SATB2: variants seen among roughly 807,000 people sequenced by gnomAD.
SATB2 encodes DNA-binding protein SATB2.
In SATB2, 1 loss-of-function variant was observed where a neutral mutation model predicts 73.4. The observed-to-expected ratio is 0.01, with a 90% CI of 0.00 to 0.06. SATB2 has a LOEUF of 0.06. SATB2 is among the 10% of genes least tolerant of loss of function. The pLI, the probability that SATB2 is intolerant of heterozygous loss-of-function variation, is 1.00. For synonymous variants in SATB2, 397 were observed against 367.0 expected (o/e 1.08, Z -0.93); for missense variants, 459 against 945.8 (o/e 0.49, Z 6.75).
chr2:199,355,052 A>T (rs1426431235), intron 6 of SATB2, among the ~76,000 whole-genome samples: 2 of 152,176 alleles, frequency 1.3e-5, no homozygotes, highest in African/African-American at 4.8e-5. Flanking sequence ...TATTTAAGAC[A>T]CTTGTTACGG....
At chr2:199,454,042 T>C (rs1168969063) in intron 2 of SATB2, among the ~76,000 whole-genome samples, 3 of 152,090 alleles carry the variant, frequency 2.0e-5, no homozygotes, top group Non-Finnish European at 1.5e-5. Flanking sequence ...TTTTAGTTTA[T>C]ATTAAACACA....
At chr2:199,274,097 A>G (rs1465905204) in intron 10 of SATB2, among the ~76,000 whole-genome samples, 1 of 152,242 alleles carries the variant, frequency 6.6e-6, no homozygotes, top group East Asian at 1.9e-4. Flanking sequence ...TTTTAAGAAG[A>G]GTGAGTTCAC....
chr2:199,412,404 A>G (rs1440590577), intron 3 of SATB2, among the ~76,000 whole-genome samples: 1 of 152,220 alleles, frequency 6.6e-6, no homozygotes, highest in Non-Finnish European at 1.5e-5. Flanking sequence ...AACCCCAAAT[A>G]AAGCTGAGAG....
At chr2:199,350,814 G>C (rs558418609) in intron 6 of SATB2, among the ~76,000 whole-genome samples, 1 of 152,008 alleles carries the variant, frequency 6.6e-6, no homozygotes, top group Admixed American at 6.6e-5. Flanking sequence ...CCTGAGGTCA[G>C]GAGTTTGATA....
intron 5 of SATB2, among the ~76,000 whole-genome samples, chr2:199,378,602 T>C (rs1204009655): frequency 6.6e-6 from 1 of 152,160 alleles, no homozygotes; most frequent in Non-Finnish European, 1.5e-5. Flanking sequence ...CATGCCTTCT[T>C]GATTTTTTTC....
chr2:199,450,464 TA>T (rs1465873762), intron 2 of SATB2, among the ~76,000 whole-genome samples: 1 of 152,128 alleles, frequency 6.6e-6, no homozygotes, highest in Non-Finnish European at 1.5e-5. Flanking sequence ...TTAAACAATA[TA>T]AAGAATTCTT....
intron 2 of SATB2, among the ~76,000 whole-genome samples, chr2:199,452,319 T>C (rs116110185): frequency 5.8e-4 from 88 of 152,282 alleles, no homozygotes; most frequent in African/African-American, 1.8e-3. Context: ...TTTATTGCTA[T>C]TAAAGCACAA....
chr2:199,408,547 G>A (rs940292551), intron 3 of SATB2, among the ~76,000 whole-genome samples: 1 of 151,894 alleles, frequency 6.6e-6, no homozygotes, highest in African/African-American at 2.4e-5. Context: ...TACTAGCTTG[G>A]TGCAAAAGTA....
At chr2:199,360,505 C>A (rs1310476013) in intron 6 of SATB2, among the ~76,000 whole-genome samples, 2 of 152,118 alleles carry the variant, frequency 1.3e-5, no homozygotes, top group Non-Finnish European at 2.9e-5. Flanking sequence ...CACTTCATGG[C>A]ATGAGCTGCC....
chr2:199,460,114 T>C (rs1397061089), upstream of SATB2, among the ~76,000 whole-genome samples: 1 of 152,008 alleles, frequency 6.6e-6, no homozygotes, highest in African/African-American at 2.4e-5. This position sits in a 1 kb window ranked among gnomAD's most constrained non-coding sequence, Gnocchi z 4.0. Flanking sequence ...TAGGCAGCGT[T>C]TGCCTTTCCC....
intron 3 of SATB2, among the ~76,000 whole-genome samples, chr2:199,399,894 G>A (rs1690419946): frequency 1.3e-5 from 2 of 152,222 alleles, no homozygotes; most frequent in South Asian, 4.2e-4. Context: ...TTTGGGCAGG[G>A]ACAACACTGA....
chr2:199,354,798 C>G (rs938985539), intron 6 of SATB2, among the ~76,000 whole-genome samples: 5 of 152,124 alleles, frequency 3.3e-5, no homozygotes, highest in African/African-American at 1.2e-4. Flanking sequence ...CTCTAAACTT[C>G]TGGGATTCCA....
intron 3 of SATB2, among the ~76,000 whole-genome samples, chr2:199,430,396 C>T (rs772875019): frequency 6.6e-6 from 1 of 152,164 alleles, no homozygotes; most frequent in Non-Finnish European, 1.5e-5. Context: ...CTGGTAGAAG[C>T]AAAGGGCCTG....
Position 199,373,619 on chromosome 2 carries a change from G to A in SATB2, c.598-4912C>T, listed in dbSNP as rs1310421418. Reference sequence around the variant, plus strand: ...GGGATATTGTCTCCTGCATCAGAGAGTGTAAGGATTCTTCTGTGAGATGAT... The same window carrying A: ...GGGATATTGTCTCCTGCATCAGAGAATGTAAGGATTCTTCTGTGAGATGAT... On this transcript the variant is annotated intron_variant, in intron 5 of 10. Transcript: ENST00000417098. Among the ~76,000 whole-genome samples the A allele has an allele frequency of 5.3e-5, 8 of 152,280 alleles. 1 individual carries two copies. The South Asian group carries it at 8.3e-4, about 16-fold the overall frequency.
chr2:199,331,124 T>C (rs1025915525), intron 7 of SATB2, among the ~76,000 whole-genome samples: 2 of 152,088 alleles, frequency 1.3e-5, no homozygotes, highest in Admixed American at 6.6e-5. Context: ...AACAAAACTA[T>C]TGTTCTAATG....
intron 2 of SATB2, among the ~76,000 whole-genome samples, chr2:199,448,600 T>A (rs6752494): frequency 6.6e-6 from 1 of 151,996 alleles, no homozygotes; most frequent in African/African-American, 2.4e-5. Flanking sequence ...TGGAAAACAT[T>A]TGCTCTAACT....
intron 3 of SATB2, among the ~76,000 whole-genome samples, chr2:199,425,429 C>A (rs936321630): frequency 1.3e-5 from 2 of 152,208 alleles, no homozygotes; most frequent in Non-Finnish European, 2.9e-5. Flanking sequence ...CTTTCCTCAT[C>A]ATGGAGGAAA....
At chr2:199,414,240 T>A (rs528959616) in intron 3 of SATB2, among the ~76,000 whole-genome samples, 3 of 152,162 alleles carry the variant, frequency 2.0e-5, no homozygotes, top group African/African-American at 7.2e-5. Context: ...CTCTCACACA[T>A]CACCTCCCTC....
chr2:199,313,389 G>A (rs933550154), intron 9 of SATB2, among the ~76,000 whole-genome samples: 3 of 152,180 alleles, frequency 2.0e-5, no homozygotes, highest in Non-Finnish European at 4.4e-5. Flanking sequence ...TGAATCCAGA[G>A]AAGGAATCTA....
Sources: allele counts gnomAD v4.1 joint callset (sites outside exome capture counted in the v4.1 genomes callset), GRCh38; gene constraint gnomAD v4.1.1; non-coding constraint Gnocchi (gnomAD v3.1); transcripts MANE v1.5; gene names NCBI Gene and HGNC (gene_info 2026-07-23, HGNC 2026-07-21).